VEPH1: variants seen among roughly 807,000 people sequenced by gnomAD.
VEPH1 encodes ventricular zone expressed PH domain containing 1.
VEPH1 carries 80 observed loss-of-function variants against 85.2 expected under a neutral mutation model. The ratio of observed to expected loss-of-function variants is 0.94; its 90% CI spans 0.78 to 1.13. The LOEUF is 1.13. Among genes scored for constraint, VEPH1 ranks in the 50% most tolerant of loss-of-function variants. The pLI, the probability that VEPH1 is intolerant of heterozygous loss-of-function variation, is 0.00. For missense variants in VEPH1, 955 were observed against 980.5 expected (o/e 0.97, Z 0.35); for synonymous variants, 297 against 348.0 (o/e 0.85, Z 1.63).
intron 9 of VEPH1, among the ~76,000 whole-genome samples, chr3:157,343,209 A>T (rs531005381): frequency 6.6e-6 from 1 of 152,316 alleles, no homozygotes; most frequent in South Asian, 2.1e-4. Context: ...GAGACACAAA[A>T]AACCCTTCAA....
rs115912828 is a variant in VEPH1, at chr3:157,272,866, T to C, written c.2129-7204A>G. On this transcript the variant is annotated intron_variant, in intron 12 of 13. Transcript: ENST00000362010. ...CCCTTTAGAAAGACAACAAGCAAAA[T>C]CCCTCAAGCATCCTGAAACACTTGC... Among the ~76,000 whole-genome samples the C allele has an allele frequency of 7.3e-3, 1,107 of 152,252 alleles. 14 individuals are homozygous for C. The highest frequency in any genetic ancestry group is 0.026 in the African/African-American group (1,060 of 41,520).
At position 157,304,018 on chromosome 3, in the gene VEPH1, A is replaced by ATT. The variant is rs373193825; in HGVS notation, c.2010+9601_2010+9602dup. Among the ~76,000 whole-genome samples, 530 of 64,920 alleles carry ATT rather than the reference A, an allele frequency of 8.2e-3. 31 individuals carry two copies. Among genetic ancestry groups the ATT allele is most frequent in the African/African-American group, 0.018 (477 of 26,562 alleles). The allele number at this position is 64,920 out of a possible 152,430, so 42.6% of individuals were successfully genotyped here. On this transcript the variant is annotated intron_variant, in intron 11 of 13. Transcript: ENST00000362010. ...TGTAGACTTAAATTTCTCATCTTAT[A>ATT]TTTTTTATATATATATATATACACA...
intron 3 of VEPH1, among the ~76,000 whole-genome samples, chr3:157,461,873 T>A (rs1046682919): frequency 1.3e-5 from 2 of 151,816 alleles, no homozygotes; most frequent in African/African-American, 4.8e-5. Flanking sequence ...AAGGACTTCC[T>A]TAAACCTAAC....
intron 4 of VEPH1, among the ~76,000 whole-genome samples, chr3:157,456,132 T>C (rs1735358359): frequency 1.3e-5 from 2 of 152,208 alleles, no homozygotes; most frequent in Non-Finnish European, 2.9e-5. Context: ...TCAGTAATGT[T>C]GAGTTTTTTT....
intron 5 of VEPH1, among the ~76,000 whole-genome samples, chr3:157,419,491 C>G (rs1732170937): frequency 6.6e-6 from 1 of 151,936 alleles, no homozygotes; most frequent in African/African-American, 2.4e-5. Context: ...AACAAACATC[C>G]CCATTAAGAA....
At chr3:157,445,887 A>G (rs1454708408) in intron 4 of VEPH1, among the ~76,000 whole-genome samples, 1 of 152,238 alleles carries the variant, frequency 6.6e-6, no homozygotes, top group East Asian at 1.9e-4. Flanking sequence ...TGCATTTTAC[A>G]AATTCTCAGG....
chr3:157,298,702 G>A (rs186980459), intron 11 of VEPH1, among the ~76,000 whole-genome samples: 3 of 151,830 alleles, frequency 2.0e-5, no homozygotes, highest in African/African-American at 7.2e-5. Context: ...CAGAAATGAG[G>A]CATCAAACCA....
intron 4 of VEPH1, among the ~76,000 whole-genome samples, chr3:157,450,048 CTTTTTTTTTTTT>C (rs761761440): frequency 5.2e-5 from 4 of 77,324 alleles, no homozygotes; most frequent in African/African-American, 9.6e-5. Context: ...AGAATATTTA[CTTTTTTTTTTTT>C]TTTTTTTTTT....
intron 9 of VEPH1, among the ~76,000 whole-genome samples, chr3:157,345,661 C>T (rs927424219): frequency 6.6e-6 from 1 of 152,126 alleles, no homozygotes; most frequent in Admixed American, 6.5e-5. Flanking sequence ...ACCATTTGAC[C>T]CAGCCATCCC....
rs563937195 is a variant in VEPH1, at chr3:157,498,818, C to T, written c.-157-3312G>A. Among the ~76,000 whole-genome samples the T allele has an allele frequency of 2.0e-5, 3 of 152,344 alleles. No individual in the cohort carries two copies. The South Asian group carries it at 6.2e-4, about 32-fold the overall frequency. On this transcript the variant is annotated intron_variant, in intron 1 of 13. Transcript: ENST00000362010. ...GCCAGATCAAATTCTACCTCATGTT[C>T]TGAGAAACTCCCTACCCTTATGAAT...
chr3:157,293,480 AATTCT>A (rs1378584094), intron 11 of VEPH1, among the ~76,000 whole-genome samples: 1 of 152,208 alleles, frequency 6.6e-6, no homozygotes, highest in Non-Finnish European at 1.5e-5. Flanking sequence ...AAATCATGGC[AATTCT>A]ATGTGTCTGG....
chr3:157,346,391 T>C (rs912644262), intron 9 of VEPH1, among the ~76,000 whole-genome samples: 1 of 152,178 alleles, frequency 6.6e-6, no homozygotes, highest in Non-Finnish European at 1.5e-5. Flanking sequence ...AAGTTAGCAA[T>C]AGTAATGCTT....
intron 6 of VEPH1, among the ~76,000 whole-genome samples, chr3:157,401,175 C>A (rs544960240): frequency 6.6e-6 from 1 of 152,170 alleles, no homozygotes; most frequent in South Asian, 2.1e-4. Flanking sequence ...GAAAAGTAAC[C>A]ACAGGCCTTC....
chr3:157,326,755 G>T (rs887863192), intron 9 of VEPH1, among the ~76,000 whole-genome samples: 1 of 152,186 alleles, frequency 6.6e-6, no homozygotes, highest in Non-Finnish European at 1.5e-5. Flanking sequence ...AGAAGGAGAA[G>T]TATATTAGAT....
chr3:157,458,071 T>C (rs575192160), intron 4 of VEPH1, among the ~76,000 whole-genome samples: 1 of 152,326 alleles, frequency 6.6e-6, no homozygotes, highest in South Asian at 2.1e-4. Flanking sequence ...AGGGATTCAA[T>C]TTCTTACTGG....
chr3:157,281,691 C>G (rs1042948661), intron 12 of VEPH1, among the ~76,000 whole-genome samples: 2 of 152,094 alleles, frequency 1.3e-5, no homozygotes, highest in African/African-American at 4.8e-5. Flanking sequence ...GCACACACCA[C>G]CACAGCCAGC....
intron 1 of VEPH1, among the ~76,000 whole-genome samples, chr3:157,498,389 C>A (rs913843393): frequency 1.3e-5 from 2 of 152,192 alleles, no homozygotes; most frequent in African/African-American, 4.8e-5. Flanking sequence ...AATAATGGCA[C>A]AACTGACATT....
chr3:157,441,965 G>A (rs373741808), intron 4 of VEPH1, among the ~76,000 whole-genome samples: 11 of 152,246 alleles, frequency 7.2e-5, no homozygotes, highest in African/African-American at 2.6e-4. Flanking sequence ...GAGAGAACCA[G>A]GTTGGGTTCT....
At chr3:157,407,596 A>C (rs1731239854) in intron 6 of VEPH1, among the ~76,000 whole-genome samples, 2 of 152,044 alleles carry the variant, frequency 1.3e-5, no homozygotes, top group South Asian at 4.1e-4. Flanking sequence ...CCTCATTCCA[A>C]TTCTGTCTCC....
Sources: allele counts gnomAD v4.1 joint callset (sites outside exome capture counted in the v4.1 genomes callset), GRCh38; gene constraint gnomAD v4.1.1; transcripts MANE v1.5; gene names NCBI Gene and HGNC (gene_info 2026-07-23, HGNC 2026-07-21).